TGFBR2: variants seen among roughly 807,000 people sequenced by gnomAD.
TGFBR2 encodes the protein TGF-beta receptor type-2.
A neutral mutation model predicts 49.0 loss-of-function variants in TGFBR2; 18 were observed. The observed-to-expected ratio is 0.37, with a 90% CI of 0.25 to 0.54. The LOEUF (loss-of-function observed/expected upper bound fraction) is 0.54, where lower values mean the gene tolerates loss of function less well. Among genes scored for constraint, TGFBR2 ranks in the 20% least tolerant of loss-of-function variants. The pLI, the probability that TGFBR2 is intolerant of heterozygous loss-of-function variation, is 0.85. For missense variants in TGFBR2, 525 were observed against 722.6 expected, an observed-to-expected ratio of 0.73 and a Z score of 3.13; for synonymous variants, 282 against 275.9, an observed-to-expected ratio of 1.02 and a Z score of -0.22.
chr3:30,682,003 A>G (rs1166069797), intron 5 of TGFBR2, among the ~76,000 whole-genome samples: 1 of 152,194 alleles, frequency 6.6e-6, no homozygotes, highest in African/African-American at 2.4e-5. Flanking sequence ...TCAGTGTCAT[A>G]CCACCTGACT....
intron 1 of TGFBR2, among the ~76,000 whole-genome samples, chr3:30,642,905 T>C (rs1425214388): frequency 6.6e-6 from 1 of 152,218 alleles, no homozygotes; most frequent in African/African-American, 2.4e-5. Flanking sequence ...TGGGAGACAC[T>C]GAGAATTTCA....
At chr3:30,653,269 T>TTTTTTTA (rs1559460091) in intron 3 of TGFBR2, among the ~76,000 whole-genome samples, 1 of 136,050 alleles carries the variant, frequency 7.4e-6, no homozygotes. Flanking sequence ...TTTTTTTTTT[T>TTTTTTTA]GAGACAGAGT....
chr3:30,666,782 A>C (rs530383374), intron 3 of TGFBR2, among the ~76,000 whole-genome samples: 1 of 147,554 alleles, frequency 6.8e-6, no homozygotes, highest in Admixed American at 6.9e-5. Context: ...CTGGGACTAC[A>C]GGAAGCACCA....
intron 1 of TGFBR2, among the ~76,000 whole-genome samples, chr3:30,617,628 C>G (rs1165353948): frequency 4.6e-5 from 7 of 152,184 alleles, no homozygotes. Flanking sequence ...TCATTCCTTC[C>G]TGAATATTAC....
intron 3 of TGFBR2, among the ~76,000 whole-genome samples, chr3:30,651,313 G>A (rs1698880914): frequency 6.6e-6 from 1 of 152,062 alleles, no homozygotes; most frequent in Non-Finnish European, 1.5e-5. Flanking sequence ...TGTATTAGAT[G>A]CACACACGTC....
intron 1 of TGFBR2, among the ~76,000 whole-genome samples, chr3:30,640,202 A>C (rs1443314307): frequency 6.6e-6 from 1 of 152,200 alleles, no homozygotes; most frequent in Non-Finnish European, 1.5e-5. Context: ...GGGCCATGTG[A>C]TACTATCATA....
intron 5 of TGFBR2, among the ~76,000 whole-genome samples, chr3:30,687,092 T>C (rs1288861968): frequency 6.6e-6 from 1 of 152,184 alleles, no homozygotes; most frequent in East Asian, 1.9e-4. Context: ...AAATATGGTA[T>C]ATGCACGAAT....
intron 2 of TGFBR2, among the ~76,000 whole-genome samples, chr3:30,648,421 C>CACACACACAA (rs1239471159): frequency 2.6e-5 from 2 of 77,800 alleles, no homozygotes; most frequent in African/African-American, 1.4e-4. Flanking sequence ...AAACAACCTA[C>CACACACACAA]ACACACACAC....
At chr3:30,665,718 G>C (rs138986812) in intron 3 of TGFBR2, among the ~76,000 whole-genome samples, 1 of 152,310 alleles carries the variant, frequency 6.6e-6, no homozygotes, top group African/African-American at 2.4e-5. Context: ...TCCTGGAAAA[G>C]AGACTAGAGC....
At chr3:30,652,663 C>G (rs2125413084) in intron 3 of TGFBR2, among the ~76,000 whole-genome samples, 1 of 152,258 alleles carries the variant, frequency 6.6e-6, no homozygotes, top group South Asian at 2.1e-4. Context: ...AAAAGAAGGC[C>G]TAGGCTAAGC....
At chr3:30,682,357 C>T (rs1699555029) in intron 5 of TGFBR2, among the ~76,000 whole-genome samples, 1 of 152,242 alleles carries the variant, frequency 6.6e-6, no homozygotes, top group Non-Finnish European at 1.5e-5. Context: ...ATTGTTAGCT[C>T]TTCCACTTTT....
chr3:30,690,527 G>A (rs776300072), intron 6 of TGFBR2, among the ~76,000 whole-genome samples: 7 of 152,200 alleles, frequency 4.6e-5, no homozygotes, highest in Non-Finnish European at 8.8e-5. Context: ...TTGGCAGCTC[G>A]TAGAAGCTGC....
chr3:30,663,308 T>G (rs866024684), intron 3 of TGFBR2, among the ~76,000 whole-genome samples: 39 of 152,142 alleles, frequency 2.6e-4, no homozygotes, highest in Middle Eastern at 3.2e-3. Context: ...TTGTTTAAAT[T>G]CGGAATCCAG....
chr3:30,686,796 A>G (rs1699630716), intron 5 of TGFBR2, among the ~76,000 whole-genome samples: 1 of 152,200 alleles, frequency 6.6e-6, no homozygotes, highest in Non-Finnish European at 1.5e-5. Flanking sequence ...CTATCTTTTT[A>G]AGTGTCCTGT....
At position 30,630,914 on chromosome 3, in the gene TGFBR2, C is replaced by T. The variant is rs140296597; in HGVS notation, c.95-13833C>T. 3.9e-5 allele frequency among the ~76,000 whole-genome samples: 6 copies of T among 152,150 alleles called. No individual in the cohort carries two copies. The East Asian group carries it at 1.2e-3, about 29-fold the overall frequency. On this transcript the variant is annotated intron_variant, in intron 1 of 6. Transcript: ENST00000295754. ...GTGCCTTGATTTTGGACTTGTCAGC[C>T]TCTAGAACTGTGAAAAATTTCTGTC...
At chr3:30,621,147 C>A (rs1470414968) in intron 1 of TGFBR2, among the ~76,000 whole-genome samples, 1 of 152,208 alleles carries the variant, frequency 6.6e-6, no homozygotes, top group Non-Finnish European at 1.5e-5. Flanking sequence ...GCCAGATCAT[C>A]ACCCATGTAG....
At chr3:30,657,204 T>C (rs1195577865) in intron 3 of TGFBR2, among the ~76,000 whole-genome samples, 3 of 152,116 alleles carry the variant, frequency 2.0e-5, no homozygotes, top group Non-Finnish European at 2.9e-5. Context: ...ATTCCCGTGG[T>C]GGTGGTGTGT....
intron 1 of TGFBR2, among the ~76,000 whole-genome samples, chr3:30,618,084 G>A (rs138694259): frequency 1.3e-3 from 195 of 152,190 alleles, no homozygotes; most frequent in African/African-American, 4.3e-3. Context: ...GAAGACAGAA[G>A]GCACTGGTAG....
intron 5 of TGFBR2, among the ~76,000 whole-genome samples, chr3:30,681,129 G>A (rs1393881403): frequency 1.6e-5 from 2 of 125,650 alleles, no homozygotes; most frequent in African/African-American, 6.0e-5. Flanking sequence ...GCTCCTTAGT[G>A]TATTGTCAAG....
Sources: allele counts gnomAD v4.1 joint callset (sites outside exome capture counted in the v4.1 genomes callset), GRCh38; gene constraint gnomAD v4.1.1; transcripts MANE v1.5; gene names NCBI Gene and HGNC (gene_info 2026-07-23, HGNC 2026-07-21).